The following GIT1 variants were observed in gnomAD, a reference collection of about 807,000 sequenced individuals.
The protein encoded by GIT1 is ARF GTPase-activating protein GIT1.
GIT1 carries 14 observed loss-of-function variants against 91.7 expected under a neutral mutation model. The observed-to-expected ratio is 0.15, with a 90% CI of 0.10 to 0.24. The LOEUF (loss-of-function observed/expected upper bound fraction) is 0.24. Among genes scored for constraint, GIT1 ranks in the 10% least tolerant of loss-of-function variants. The pLI is 1.00. For synonymous variants in GIT1, 414 were observed against 418.2 expected (o/e 0.99, Z 0.12); for missense variants, 717 against 1,024.9 (o/e 0.70, Z 4.10).
intron 7 of GIT1, 107 bp from the exon 8 acceptor site, chr17:29,578,886 C>T (rs1598570113): frequency 1.3e-6 from 2 of 1,566,296 alleles, no homozygotes; most frequent in Non-Finnish European, 1.8e-6. Context: ...GGAGATGGCA[C>T]CCCAGATGCT....
chr17:29,576,408 G>C lies in GIT1; in HGVS notation c.1423C>G (p.Pro475Ala), dbSNP rs1235167694. The C allele has an allele frequency of 2.4e-5, 39 of 1,613,064 alleles. No individual in the cohort carries two copies. Among genetic ancestry groups the C allele is most frequent in the Non-Finnish European group, 3.0e-5 (35 of 1,179,864 alleles). ...AGTGGAGGTGTGGGCACCGGCCCTG[G>C]AGGCTGCCGGAGCTGCAGGTTCTCC... ...QAENLQLRQP[P>A]GPVPTPPLPS... is the part of the protein sequence containing the mutation. The change falls in exon 14 of 20, where the codon CCA (proline) becomes GCA (alanine). Residue 475 changes from proline (P) to alanine (A), a missense_variant. By Grantham distance (27) the Pro-to-Ala change is conservative. This residue lies in a region of GIT1 where 312 missense variants were observed against 349.5 expected (regional missense o/e 0.89). Transcript: ENST00000225394.
At chr17:29,587,704 G>A (rs1024489710) in intron 1 of GIT1, among the ~76,000 whole-genome samples, 7 of 152,132 alleles carry the variant, frequency 4.6e-5, no homozygotes, top group Non-Finnish European at 8.8e-5. Context: ...CAACTTCTTT[G>A]CCTCTGAATT....
chr17:29,579,228 C>T, intron 7 of GIT1: 1 of 563,014 alleles, frequency 1.8e-6, no homozygotes, highest in Non-Finnish European at 3.2e-6. Context: ...TCACCTGAAG[C>T]CTCCCTCACC....
chr17:29,576,822 G>A (rs1471770637), intron 12 of GIT1, 41 bp downstream of exon 12: 1 of 1,577,974 alleles, frequency 6.3e-7, no homozygotes, highest in African/African-American at 1.3e-5. Flanking sequence ...GAAGGCCTGG[G>A]TCAGGGCACA....
intron 4 of GIT1, 45 bp from the exon 5 acceptor site, chr17:29,582,189 G>A (rs369622959): frequency 1.1e-5 from 16 of 1,397,830 alleles, no homozygotes; most frequent in South Asian, 6.3e-5. Context: ...TGCGTGAGGC[G>A]CACCTCCCCA....
chr17:29,581,762 TAGA>T lies in GIT1; in HGVS notation c.695_697del (p.Phe232del). On this transcript the variant is annotated inframe_deletion, in exon 6 of 20. Transcript: ENST00000225394. This position sits in a 1 kb window ranked among gnomAD's most constrained non-coding sequence, Gnocchi z 4.8. ...CTCACCCGGCTTGCGTCCACAGAGG[TAGA>T]AGGCCAGCCGGTCAGTGAGCTCATA... 1.2e-6 allele frequency: 2 copies of T among 1,610,750 alleles called. No homozygotes were observed. The highest frequency in any genetic ancestry group is 1.7e-6 in the Non-Finnish European group (2 of 1,179,770).
At chr17:29,578,984 G>C in intron 7 of GIT1, 1 of 1,613,906 alleles carries the variant, frequency 6.2e-7, no homozygotes, top group Non-Finnish European at 8.5e-7. Context: ...CACTTTTGCC[G>C]AGATCTAAGT....
rs1459087877 is a variant in GIT1 at position 29,582,033 on chromosome 17, C to T, written c.517G>A (p.Val173Met). Residue 173 changes from valine (V) to methionine (M), a missense_variant, in exon 5 of 20, where the codon GTG becomes ATG. Val to Met is a conservative substitution (Grantham distance 21). This residue lies in a region of GIT1 where 271 missense variants were observed against 451.6 expected (regional missense o/e 0.60). Coordinates refer to ENST00000225394, the MANE Select transcript of GIT1 (RefSeq NM_014030.4). Reference sequence around the variant, plus strand: ...AGTGTCTGTCCTGCCTTGGCAGCCACGTGCAGAGGTGTGGTGCCCTTCTCT... The same window carrying T: ...AGTGTCTGTCCTGCCTTGGCAGCCATGTGCAGAGGTGTGGTGCCCTTCTCT... ...HPEKGTTPLH[V>M]AAKAGQTLQA... The T allele has an allele frequency of 7.4e-6, 12 of 1,612,094 alleles. No homozygotes were observed. Among genetic ancestry groups the T allele is most frequent in the East Asian group, 2.2e-5 (1 of 44,888 alleles).
chr17:29,587,609 C>A (rs973245655), intron 1 of GIT1, among the ~76,000 whole-genome samples: 2 of 152,234 alleles, frequency 1.3e-5, no homozygotes. Context: ...GGACAACTGC[C>A]TTGCTGGTGC....
chr17:29,578,080 A>G (rs540615661), intron 9 of GIT1, among the ~76,000 whole-genome samples: 169 of 152,332 alleles, frequency 1.1e-3, no homozygotes, highest in African/African-American at 3.9e-3. Context: ...GAGGAGCCCC[A>G]GTCTGAGGCT....
At position 29,582,139 on chromosome 17, in the gene GIT1, T is replaced by C. The variant is rs1193907639; in HGVS notation, c.411A>G (p.Leu137=). The change falls in exon 5 of 20, where the codon CTA becomes CTG. Residue 137 remains leucine (L), a synonymous_variant. Coordinates refer to ENST00000225394, the MANE Select transcript of GIT1 (RefSeq NM_014030.4). The part of the protein sequence containing the change: ...GVTAKDLSKQ[L]HSSVRTGNLE... Reference sequence around the variant, plus strand: ...GGTTGCCTGTCCGCACGCTCGAGTGTAGTTGCTAAGAGGAGCAGAGTGTGC... The same window carrying C: ...GGTTGCCTGTCCGCACGCTCGAGTGCAGTTGCTAAGAGGAGCAGAGTGTGC... 3 of 1,567,716 alleles carry C rather than the reference T, an allele frequency of 1.9e-6. No individual in the cohort carries two copies. Among genetic ancestry groups the C allele is most frequent in the Non-Finnish European group, 2.6e-6 (3 of 1,164,306 alleles).
chr17:29,583,077 G>A (rs55723507), intron 2 of GIT1, 40 bp from the exon 3 acceptor site: 26,215 of 1,309,376 alleles, frequency 0.02, 335 homozygotes, highest in Non-Finnish European at 0.024. Context: ...TGCCCACTGC[G>A]TGCTAAGCAA....
chr17:29,576,882 G>A lies in GIT1; in HGVS notation c.1208C>T (p.Thr403Ile). The A allele has an allele frequency of 6.3e-7, 1 of 1,575,008 alleles. No homozygotes were observed. The highest frequency in any genetic ancestry group is 8.6e-7 in the Non-Finnish European group (1 of 1,161,958). Residue 403 changes from threonine (T) to isoleucine (I), a missense_variant, in exon 12 of 20, where the codon ACT becomes ATT. By Grantham distance (89) the Thr-to-Ile change is moderately conservative (BLOSUM62 -1). Around this residue, in one of 3 missense-constraint regions of GIT1, gnomAD observed 312 missense variants for 349.5 expected, o/e 0.89. Transcript: ENST00000225394. ...TCAGACCCGGGCCCGGTTGCTCCGA[G>A]TGGCGCCGGTGCTGCGCAGGGGCTC... ...DQEPLRSTGA[T>I]RSNRARSMDS...
chr17:29,582,168 G>A, intron 4 of GIT1, 24 bp from the exon 5 acceptor site: 1 of 1,503,230 alleles, frequency 6.7e-7, no homozygotes, highest in Non-Finnish European at 9.0e-7. Flanking sequence ...AGTGTGCAGT[G>A]AATACGCATG....
At position 29,577,013 on chromosome 17, in the gene GIT1, G is replaced by A. The variant is rs1386076540; in HGVS notation, c.1094-17C>T. ...CGAGGTTGTCTGAGGACACAGGAGT[G>A]TCACTCAGGCCACACTCCACCACAC... is the stretch of plus-strand genomic sequence containing the variant. On this transcript the variant is annotated splice_polypyrimidine_tract_variant and intron_variant, in intron 11 of 19. Transcript: ENST00000225394. 1 of 1,604,242 alleles carries A rather than the reference G, an allele frequency of 6.2e-7. No individual in the cohort carries two copies. Among genetic ancestry groups the A allele is most frequent in the Non-Finnish European group, 8.5e-7 (1 of 1,179,826 alleles).
chr17:29,587,792 C>A (rs910445659), intron 1 of GIT1, among the ~76,000 whole-genome samples: 1 of 152,146 alleles, frequency 6.6e-6, no homozygotes, highest in Non-Finnish European at 1.5e-5. Flanking sequence ...CAACACTAAG[C>A]CCCAGACTCC....
intron 7 of GIT1, among the ~76,000 whole-genome samples, chr17:29,579,685 C>T (rs1023581303): frequency 4.0e-5 from 6 of 151,702 alleles, no homozygotes; most frequent in African/African-American, 1.5e-4. Flanking sequence ...ATCAAGCCAC[C>T]GCACTCCAGC....
Position 29,574,662 on chromosome 17 carries a change from G to A in GIT1, c.*40C>T. 6.7e-7 allele frequency: 1 copy of A among 1,485,350 alleles called. No individual in the cohort carries two copies. Among genetic ancestry groups the A allele is most frequent in the Non-Finnish European group, 9.4e-7 (1 of 1,065,630 alleles). 92.0% of individuals were successfully genotyped at this position (1,485,350 alleles called of 1,614,324 possible). On this transcript the variant is annotated 3_prime_UTR_variant, in exon 20 of 20. Transcript: ENST00000225394. ...TGGAGTGGCCCAGCTCCTATGGCCA[G>A]TGAGGTCCTAGGGTGCAGGTGAGGG...
rs373722852 is a variant in GIT1, at chr17:29,575,176, C to A, written c.2010-34G>T. 14 of 1,572,116 alleles carry A rather than the reference C, an allele frequency of 8.9e-6. No individual in the cohort carries two copies. Among genetic ancestry groups the A allele is most frequent in the Non-Finnish European group, 1.2e-5 (14 of 1,152,992 alleles). ...AGAAGGGAGGCTATAAAGCAGGGGG[C>A]TCTCAAGGGAGGTTCCCAGGGACAG... On this transcript the variant is annotated intron_variant, in intron 18 of 19. Coordinates refer to ENST00000225394, the MANE Select transcript of GIT1 (RefSeq NM_014030.4). This position sits in a 1 kb window ranked among gnomAD's most constrained non-coding sequence, Gnocchi z 5.5.
Sources: gnomAD v4.1 joint callset for allele counts (sites outside exome capture counted in the v4.1 genomes callset) on GRCh38, gnomAD v4.1.1 for gene constraint, gnomAD v4.1.1 regional missense constraint, Gnocchi (gnomAD v3.1) non-coding constraint, MANE v1.5 for transcripts, NCBI Gene and HGNC (gene_info 2026-07-23, HGNC 2026-07-21) for gene names.